The following RABL6 variants were observed in gnomAD, a reference collection of about 807,000 sequenced individuals.
RABL6 encodes RAB, member RAS oncogene family like 6.
A neutral mutation model predicts 72.9 loss-of-function variants in RABL6; 28 were observed. That is an observed-to-expected ratio of 0.38 (90% confidence interval 0.28 to 0.53). The LOEUF is 0.53. RABL6 is among the 20% of genes least tolerant of loss of function. The pLI is 0.80. For synonymous variants in RABL6, 477 were observed against 421.2 expected, an observed-to-expected ratio of 1.13 and a Z score of -1.62; for missense variants, 1,029 against 1,008.4, an observed-to-expected ratio of 1.02 and a Z score of -0.28.
intron 2 of RABL6, 96 bp from the exon 3 acceptor site, chr9:136,825,682 TG>T: frequency 7.4e-7 from 1 of 1,350,546 alleles, no homozygotes; most frequent in Non-Finnish European, 1.1e-6. Context: ...TGGGAGCCGG[TG>T]GCTGCGGGGC....
intron 8 of RABL6, chr9:136,836,613 G>GCT (rs1848588657): frequency 6.5e-6 from 1 of 153,862 alleles, no homozygotes. Context: ...CCGCATGGGC[G>GCT]CTTCTCTGTT....
Position 136,839,307 on chromosome 9 carries a change from C to T in RABL6, c.1579C>T (p.Arg527Cys), listed in dbSNP as rs149063067. The T allele has an allele frequency of 6.0e-5, 97 of 1,612,152 alleles. 1 individual carries two copies. In the African/African-American group the frequency reaches 6.4e-4, roughly 11 times the overall value. The part of the protein sequence containing the change: ...APPWPGGVSV[R>C]TGPEKRSSTR... ...CCCCTGGCCAGGCGGTGTCTCTGTT[C>T]GCACAGGTCCGGAGAAGCGCAGCAG... Residue 527 changes from arginine to cysteine, a missense_variant, in exon 12 of 15, where the codon CGC becomes TGC. Coordinates refer to ENST00000311502, the MANE Select transcript of RABL6 (RefSeq NM_024718.5).
intron 3 of RABL6, chr9:136,828,202 A>G (rs1848398113): frequency 2.7e-6 from 1 of 369,960 alleles, no homozygotes; most frequent in Non-Finnish European, 5.0e-6. Context: ...CTCCTGGTGT[A>G]GGGCTGTAGG....
intron 1 of RABL6, chr9:136,809,165 G>C (rs930155526): frequency 6.6e-6 from 1 of 152,466 alleles, no homozygotes; most frequent in Non-Finnish European, 1.5e-5. Context: ...CAGTTTTTTG[G>C]TCACTTTAAG....
Position 136,839,439 on chromosome 9 carries a change from G to C in RABL6, c.1711G>C (p.Asp571His). ...TGCACAAATGCTGTCCTTCGTCATGGATGACCCCGACTTTGAGAGCGAGGG... is the reference window on the plus strand; with the variant it reads ...TGCACAAATGCTGTCCTTCGTCATGCATGACCCCGACTTTGAGAGCGAGGG... ...IAAQMLSFVMDDPDFESEGSD... is the reference protein window; with the variant it reads ...IAAQMLSFVMHDPDFESEGSD... The change falls in exon 12 of 15, where the codon GAT becomes CAT. Residue 571 changes from aspartate (D) to histidine (H), a missense_variant. By Grantham distance (81) the Asp-to-His change is moderately conservative. Coordinates refer to ENST00000311502, the MANE Select transcript of RABL6 (RefSeq NM_024718.5). The C allele has an allele frequency of 6.2e-7, 1 of 1,612,606 alleles. No homozygotes were observed. Among genetic ancestry groups the C allele is most frequent in the African/African-American group, 1.3e-5 (1 of 75,056 alleles).
chr9:136,837,110 C>T (rs903683095), intron 8 of RABL6: 12 of 661,638 alleles, frequency 1.8e-5, no homozygotes, highest in Admixed American at 1.3e-4. Context: ...CTCCTGACCT[C>T]GTGATCTGCC....
Position 136,840,957 on chromosome 9 carries a change from C to T in RABL6, c.*435C>T, listed in dbSNP as rs560895968. The T allele has an allele frequency of 1.9e-5, 28 of 1,457,938 alleles. No homozygotes were observed. In the Admixed American group the frequency reaches 2.4e-4, roughly 12 times the overall value. The allele number at this position is 1,457,938 out of a possible 1,614,324, so 90.3% of individuals were successfully genotyped here. A position where few individuals can be genotyped will look rare whatever the true frequency, so the allele number is the denominator to read the frequency against. ...GCATGCCTATGGTTCCGCTTCCGGC[C>T]GGGAGCCCTGAACACGGGTGTGCAG... On this transcript the variant is annotated 3_prime_UTR_variant, in exon 15 of 15. Transcript: ENST00000311502.
chr9:136,828,625 T>C lies in RABL6; in HGVS notation c.366+79T>C, dbSNP rs552995573. On this transcript the variant is annotated intron_variant, in intron 4 of 14. Coordinates refer to ENST00000311502, the MANE Select transcript of RABL6 (RefSeq NM_024718.5). ...AGCCGGTGCCCAGCGCTTCACACGC[T>C]TTTGACCCCAACCACCCCAGTTATG... 430 of 1,484,754 alleles carry C rather than the reference T, an allele frequency of 2.9e-4. 1 individual carries two copies. In the African/African-American group the frequency reaches 5.2e-3, roughly 18 times the overall value. 92.0% of individuals were successfully genotyped at this position (1,484,754 alleles called of 1,614,324 possible).
chr9:136,821,921 C>A, intron 1 of RABL6: 7 of 1,285,728 alleles, frequency 5.4e-6, no homozygotes, highest in Non-Finnish European at 7.1e-6. Flanking sequence ...CGCCTGGGTC[C>A]CCTCTGGAGG....
intron 2 of RABL6, among the ~76,000 whole-genome samples, chr9:136,824,326 G>GTTTTT (rs34760204): frequency 1.7e-4 from 13 of 75,038 alleles, no homozygotes; most frequent in African/African-American, 2.1e-4. Flanking sequence ...GTTTGGTTGG[G>GTTTTT]TTTTTTTTTT....
intron 1 of RABL6, among the ~76,000 whole-genome samples, chr9:136,812,423 G>A (rs1848030389): frequency 6.6e-6 from 1 of 152,126 alleles, no homozygotes; most frequent in Non-Finnish European, 1.5e-5. Flanking sequence ...GCCAGGTGTG[G>A]TGGCGTATGC....
In RABL6 at chr9:136,840,404, G is replaced by GGCA. The variant is rs1564374799; in HGVS notation, c.2078_2080dup (p.Gln693dup). 4 of 1,550,770 alleles carry GGCA rather than the reference G, an allele frequency of 2.6e-6. No individual in the cohort carries two copies. The Admixed American group carries it at 7.8e-5, about 30-fold the overall frequency. ...GAGGGCAAGGAGGAGCGGCGACGGC[G>GGCA]GCAGCAGCGGCCCCCGCGCAGCAGG... is the stretch of plus-strand genomic sequence containing the variant. On this transcript the variant is annotated inframe_insertion, in exon 15 of 15. Coordinates refer to ENST00000311502, the MANE Select transcript of RABL6 (RefSeq NM_024718.5).
At chr9:136,832,559 T>C (rs2131194243) in intron 7 of RABL6, 189 bp downstream of exon 7, 1 of 687,810 alleles carries the variant, frequency 1.5e-6, no homozygotes, top group South Asian at 1.6e-5. Flanking sequence ...TACAGGGTCC[T>C]GAGGGCTAGA....
At position 136,825,799 on chromosome 9, in the gene RABL6, G is replaced by T. The variant is rs918105558; in HGVS notation, c.286G>T (p.Val96Phe). The change falls in exon 3 of 15, where the codon GTT becomes TTT. Residue 96 changes from valine (V) to phenylalanine (F), a missense_variant. By Grantham distance (50) the Val-to-Phe change is conservative. Coordinates refer to ENST00000311502, the MANE Select transcript of RABL6 (RefSeq NM_024718.5). ...TTCAGCCACGGATGACATCGTGAAG[G>T]TTGAAGTCTGGGATGTAGTAGACAA... ...SYKTTDDIVK[V>F]EVWDVVDKGK... 6.2e-7 allele frequency: 1 copy of T among 1,613,668 alleles called. No individual in the cohort carries two copies.
chr9:136,820,311 G>C (rs1483999888), intron 1 of RABL6, among the ~76,000 whole-genome samples: 5 of 152,156 alleles, frequency 3.3e-5, no homozygotes, highest in Non-Finnish European at 2.9e-5. Context: ...GCTGCAGTGA[G>C]CTAGGATGGT....
intron 1 of RABL6, chr9:136,814,633 C>T (rs933533019): frequency 1.3e-5 from 2 of 152,044 alleles, no homozygotes; most frequent in African/African-American, 4.8e-5. Context: ...CGCCTGTAAT[C>T]CCAGCTACTC....
In RABL6 at chr9:136,839,351, G is replaced by T; in HGVS notation, c.1623G>T (p.Glu541Asp). Residue 541 changes from glutamate to aspartate, a missense_variant, in exon 12 of 15, where the codon GAG (glutamate) becomes GAT (aspartate). Physicochemically the swap from Glu to Asp is conservative, Grantham distance 45. This residue lies in a region of RABL6 where 595 missense variants were observed against 472.4 expected (regional missense o/e 1.26). Coordinates refer to ENST00000311502, the MANE Select transcript of RABL6 (RefSeq NM_024718.5). Reference protein sequence around the residue: ...EKRSSTRPPAEMEPGKGEQAS... With the variant: ...EKRSSTRPPADMEPGKGEQAS... ...GCAGCAGCACCAGGCCCCCTGCTGA[G>T]ATGGAGCCGGGGAAGGGTGAGCAGG... 1 of 1,612,754 alleles carries T rather than the reference G, an allele frequency of 6.2e-7. No individual in the cohort carries two copies. The highest frequency in any genetic ancestry group is 1.1e-5 in the South Asian group (1 of 91,060).
Position 136,837,128 on chromosome 9 carries a change from GC to G in RABL6, c.810-216del, listed in dbSNP as rs1175751448. 3.6e-5 allele frequency: 25 copies of G among 688,822 alleles called. No homozygotes were observed. The East Asian group carries it at 6.8e-4, about 19-fold the overall frequency. 42.7% of individuals were successfully genotyped at this position (688,822 alleles called of 1,614,324 possible). On this transcript the variant is annotated intron_variant, in intron 8 of 14. Coordinates refer to ENST00000311502, the MANE Select transcript of RABL6 (RefSeq NM_024718.5). ...CTGACCTCGTGATCTGCCTGCCTTG[GC>G]CTCCTACAGTGCTGGGATTACAGGC... is the stretch of plus-strand genomic sequence containing the variant.
intron 10 of RABL6, among the ~76,000 whole-genome samples, chr9:136,838,580 C>T (rs150829288): frequency 1.5e-3 from 228 of 152,376 alleles, no homozygotes; most frequent in African/African-American, 4.4e-3. Flanking sequence ...TGTGGGGCAG[C>T]GGCTTCCTCC....
Sources: gnomAD v4.1 joint callset for allele counts (sites outside exome capture counted in the v4.1 genomes callset) on GRCh38, gnomAD v4.1.1 for gene constraint, gnomAD v4.1.1 regional missense constraint, MANE v1.5 for transcripts, NCBI Gene and HGNC (gene_info 2026-07-23, HGNC 2026-07-21) for gene names.